Variants in EPB41 observed in about 807,000 individuals in gnomAD.
EPB41 encodes erythrocyte membrane protein band 4.1.
Under a neutral mutation model 108.0 loss-of-function variants are expected in EPB41, and 65 were observed. That is an observed-to-expected ratio of 0.60 (90% CI 0.49 to 0.74). The LOEUF is 0.74. Among genes scored for constraint, EPB41 ranks in the 30% least tolerant of loss-of-function variants. EPB41 has a pLI of 0.00. For synonymous variants in EPB41, 336 were observed against 358.9 expected, an observed-to-expected ratio of 0.94 and a Z score of 0.72; for missense variants, 875 against 1,037.0, an observed-to-expected ratio of 0.84 and a Z score of 2.15.
Position 28,948,937 on chromosome 1 carries a change from G to A in EPB41, c.-8+34169G>A, listed in dbSNP as rs140715156. The stretch of plus-strand genomic sequence containing the variant: ...TGCACTCCAGCCTGGGTGACGGAGC[G>A]AGACTCCATCTCAAAAAAAGAATCT... On this transcript the variant is annotated intron_variant, in intron 1 of 20. Transcript: ENST00000343067. Among the ~76,000 whole-genome samples the A allele has an allele frequency of 8.5e-3, 1,292 of 152,230 alleles. 11 individuals carry two copies. The highest frequency in any genetic ancestry group is 0.078 in the Middle Eastern group (23 of 294).
chr1:29,058,868 C>G lies in EPB41; in HGVS notation c.1944+16C>G. 1 of 1,549,246 alleles carries G rather than the reference C, an allele frequency of 6.5e-7. No individual in the cohort carries two copies. Among genetic ancestry groups the G allele is most frequent in the African/African-American group, 1.4e-5 (1 of 73,116 alleles). Reference sequence around the variant, plus strand: ...AATGAGGAAGGTTAGCCATTTTTCACTTTCACAAAACTACATTGCCATTTC... The same window carrying G: ...AATGAGGAAGGTTAGCCATTTTTCAGTTTCACAAAACTACATTGCCATTTC... On this transcript the variant is annotated intron_variant, in intron 14 of 20. Coordinates refer to ENST00000343067, the MANE Select transcript of EPB41 (RefSeq NM_001376013.1).
At chr1:28,965,260 T>C (rs1284337058) in intron 1 of EPB41, among the ~76,000 whole-genome samples, 1 of 152,168 alleles carries the variant, frequency 6.6e-6, no homozygotes. Flanking sequence ...TGTTTAATTA[T>C]GGGGAAAAAA....
chr1:29,048,430 C>T (rs1428770810), intron 11 of EPB41, among the ~76,000 whole-genome samples: 3 of 152,002 alleles, frequency 2.0e-5, no homozygotes, highest in African/African-American at 4.8e-5. Flanking sequence ...AGGCTGGTCT[C>T]GAACTCCTGA....
intron 1 of EPB41, among the ~76,000 whole-genome samples, chr1:28,965,848 C>T (rs2095343223): frequency 6.6e-6 from 1 of 152,116 alleles, no homozygotes; most frequent in South Asian, 2.1e-4. Flanking sequence ...CATGGGATGA[C>T]TATTAATTCC....
rs531441869 is a variant in EPB41, at chr1:28,997,123, G to C, written c.682-92G>C. On this transcript the variant is annotated intron_variant, in intron 3 of 20. Transcript: ENST00000343067. The stretch of plus-strand genomic sequence containing the variant: ...GCTATGATCAGGCCACTGTACTCCA[G>C]CCTGGGCAACAGAGTGAATCCCCAT... 17 of 952,336 alleles carry C rather than the reference G, an allele frequency of 1.8e-5. No homozygotes were observed. In the African/African-American group the frequency reaches 2.1e-4, roughly 12 times the overall value. The allele number at this position is 952,336 out of a possible 1,614,324, so 59.0% of individuals were successfully genotyped here. A position where few individuals can be genotyped will look rare whatever the true frequency, so the allele number is the denominator to read the frequency against.
chr1:28,921,938 T>TTTTATATATATATATATATATA (rs370726721), intron 1 of EPB41, among the ~76,000 whole-genome samples: 1 of 102,632 alleles, frequency 9.7e-6, no homozygotes, highest in African/African-American at 4.5e-5. Flanking sequence ...TTATGAAATT[T>TTTTATATATATATATATATATA]TATATATATA....
At chr1:28,988,935 A>G (rs1392382261) in intron 2 of EPB41, among the ~76,000 whole-genome samples, 1 of 152,244 alleles carries the variant, frequency 6.6e-6, no homozygotes, top group Non-Finnish European at 1.5e-5. Context: ...TTTTATTATA[A>G]TAATGGAACA....
At chr1:29,106,990 C>T (rs1667428986) in intron 17 of EPB41, among the ~76,000 whole-genome samples, 1 of 151,688 alleles carries the variant, frequency 6.6e-6, no homozygotes, top group Non-Finnish European at 1.5e-5. Context: ...TTGAGACCAG[C>T]CTGGCCAACA....
intron 1 of EPB41, among the ~76,000 whole-genome samples, chr1:28,919,180 T>G (rs2092896047): frequency 6.6e-6 from 1 of 152,258 alleles, no homozygotes; most frequent in African/African-American, 2.4e-5. Context: ...CCGATTATGA[T>G]GAAAGTCTGT....
intron 6 of EPB41, 109 bp downstream of exon 6, chr1:29,015,876 A>G: frequency 1.3e-6 from 1 of 755,162 alleles, no homozygotes; most frequent in Non-Finnish European, 2.2e-6. Context: ...GAACTGAAGA[A>G]AAATAATGAT....
intron 17 of EPB41, 54 bp downstream of exon 17, chr1:29,097,989 C>T: frequency 6.2e-7 from 1 of 1,612,136 alleles, no homozygotes; most frequent in Non-Finnish European, 8.5e-7. Context: ...AATTAATAAC[C>T]TTTCTTCACA....
intron 16 of EPB41, 45 bp downstream of exon 16, chr1:29,065,203 A>G: frequency 6.6e-7 from 1 of 1,524,298 alleles, no homozygotes; most frequent in Non-Finnish European, 8.8e-7. Flanking sequence ...TGGAGGGAAT[A>G]AATGTTTTTA....
chr1:28,993,602 C>A, intron 3 of EPB41, 60 bp downstream of exon 3: 4 of 1,477,184 alleles, frequency 2.7e-6, no homozygotes, highest in Non-Finnish European at 3.8e-6. Context: ...TCTAGAGTTG[C>A]GTAAGTGGTG....
chr1:29,100,507 C>T (rs1664952134), intron 17 of EPB41, among the ~76,000 whole-genome samples: 1 of 146,914 alleles, frequency 6.8e-6, no homozygotes, highest in Non-Finnish European at 1.5e-5. Flanking sequence ...ACGTGCATTG[C>T]AATTAGAAAA....
rs1392683937 is a variant in EPB41, at chr1:29,049,605, C to T, written c.1637-3499C>T. Among the ~76,000 whole-genome samples, 4 of 152,230 alleles carry T rather than the reference C, an allele frequency of 2.6e-5. No individual in the cohort carries two copies. In the East Asian group the frequency reaches 5.8e-4, roughly 22 times the overall value. On this transcript the variant is annotated intron_variant, in intron 11 of 20. Coordinates refer to ENST00000343067, the MANE Select transcript of EPB41 (RefSeq NM_001376013.1). ...TGTGGTCCTCTGATAAAAGAACCAC[C>T]CTACCGCATACTAGCAGAAATTGTG...
At chr1:28,982,539 G>A (rs933764001) in intron 1 of EPB41, 3 of 1,243,358 alleles carry the variant, frequency 2.4e-6, no homozygotes, top group Middle Eastern at 2.7e-4. Context: ...TCTTCACGAT[G>A]ACGGCTTTGC....
intron 16 of EPB41, among the ~76,000 whole-genome samples, chr1:29,081,422 G>GT (rs1456992959): frequency 6.6e-6 from 1 of 152,134 alleles, no homozygotes; most frequent in Non-Finnish European, 1.5e-5. Flanking sequence ...AGGAGAGCTT[G>GT]TTCCTGTAAT....
intron 1 of EPB41, among the ~76,000 whole-genome samples, chr1:28,921,243 C>T (rs987956805): frequency 6.6e-6 from 1 of 152,154 alleles, no homozygotes; most frequent in African/African-American, 2.4e-5. Flanking sequence ...ATCATTTTAA[C>T]ACAATGGGAT....
intron 16 of EPB41, among the ~76,000 whole-genome samples, chr1:29,092,391 C>T (rs1300543860): frequency 6.6e-6 from 1 of 151,818 alleles, no homozygotes; most frequent in Non-Finnish European, 1.5e-5. Context: ...CGTGCCTGGC[C>T]AGGAACACCT....
Sources: gnomAD v4.1 joint callset for allele counts (sites outside exome capture counted in the v4.1 genomes callset) on GRCh38, gnomAD v4.1.1 for gene constraint, MANE v1.5 for transcripts, NCBI Gene and HGNC (gene_info 2026-07-23, HGNC 2026-07-21) for gene names.